Variants in NPSR1 observed in about 807,000 individuals in gnomAD.
The protein encoded by NPSR1 is neuropeptide S receptor 1.
NPSR1 carries 48 observed loss-of-function variants against 46.9 expected under a neutral mutation model. The ratio of observed to expected loss-of-function variants is 1.02; its 90% CI spans 0.81 to 1.30. The LOEUF is 1.30. Ranked by LOEUF, NPSR1 falls within the 50% of genes most tolerant of loss-of-function variation. The probability of loss-of-function intolerance (pLI) is 0.00; values close to 1 mark genes in which losing one functional copy is unlikely to be tolerated. For synonymous variants in NPSR1, 176 were observed against 168.1 expected, an observed-to-expected ratio of 1.05 and a Z score of -0.36; for missense variants, 450 against 449.5, an observed-to-expected ratio of 1.00 and a Z score of -0.01.
chr7:34,713,051 G>A (rs914337178), intron 2 of NPSR1, among the ~76,000 whole-genome samples: 1 of 152,192 alleles, frequency 6.6e-6, no homozygotes, highest in African/African-American at 2.4e-5. Flanking sequence ...TCTGTTAGAG[G>A]TGGATTACAA....
At chr7:34,774,631 A>T (rs1786861638) in intron 2 of NPSR1, among the ~76,000 whole-genome samples, 1 of 152,176 alleles carries the variant, frequency 6.6e-6, no homozygotes, top group South Asian at 2.1e-4. Context: ...TCAGAGCCCT[A>T]GGGGCCTGCA....
At chr7:34,852,934 A>G (rs1422761330), downstream of NPSR1, among the ~76,000 whole-genome samples, 1 of 152,258 alleles carries the variant, frequency 6.6e-6, no homozygotes, top group East Asian at 1.9e-4. Flanking sequence ...ACTAAATTAA[A>G]TATGAATGGT....
rs553559168 is a variant in NPSR1 at position 34,727,454 on chromosome 7, G to A, written c.280+42770G>A. 9.9e-5 allele frequency among the ~76,000 whole-genome samples: 15 copies of A among 152,218 alleles called. No homozygotes were observed. In the South Asian group the frequency reaches 2.1e-3, roughly 21 times the overall value. On this transcript the variant is annotated intron_variant, in intron 2 of 8. Coordinates refer to ENST00000360581, the MANE Select transcript of NPSR1 (RefSeq NM_207172.2). ...CAATGGTTTTTGCATAACATTTAAC[G>A]TAACTCTAGTTTGATATCAAAATCA...
chr7:34,848,478 C>T lies in NPSR1; in HGVS notation c.845-5C>T. 3 of 1,613,778 alleles carry T rather than the reference C, an allele frequency of 1.9e-6. No individual in the cohort carries two copies. In the East Asian group the frequency reaches 6.7e-5, roughly 36 times the overall value. ...TGTGATGCTAATGGCTCTCTTCTCCCCCAGCCTTCATCTGCTGTTGGAGTC... is the reference window on the plus strand; with the variant it reads ...TGTGATGCTAATGGCTCTCTTCTCCTCCAGCCTTCATCTGCTGTTGGAGTC... On this transcript the variant is annotated splice_polypyrimidine_tract_variant and splice_region_variant and intron_variant, in intron 7 of 8. Coordinates refer to ENST00000360581, the MANE Select transcript of NPSR1 (RefSeq NM_207172.2).
chr7:34,688,886 C>A (rs1793073804), intron 2 of NPSR1, among the ~76,000 whole-genome samples: 1 of 152,194 alleles, frequency 6.6e-6, no homozygotes, highest in African/African-American at 2.4e-5. Flanking sequence ...AAGCTCTCTG[C>A]ACTCGATGCC....
exon 9 of NPSR1, chr7:34,878,254 G>T: frequency 1.1e-6 from 1 of 887,384 alleles, no homozygotes; most frequent in Non-Finnish European, 1.8e-6. Flanking sequence ...AGGGCACAAG[G>T]ACACCAGTGG....
At chr7:34,823,036 A>G (rs1267375026) in intron 4 of NPSR1, among the ~76,000 whole-genome samples, 1 of 152,218 alleles carries the variant, frequency 6.6e-6, no homozygotes, top group East Asian at 1.9e-4. Context: ...TGGCAAAGAA[A>G]TAAAAACATT....
At chr7:34,843,561 T>A (rs564118312) in intron 6 of NPSR1, among the ~76,000 whole-genome samples, 1 of 152,244 alleles carries the variant, frequency 6.6e-6, no homozygotes, top group Admixed American at 6.5e-5. Flanking sequence ...ACCAGTTTTA[T>A]GGAGAGTGTG....
intron 2 of NPSR1, among the ~76,000 whole-genome samples, chr7:34,738,176 C>A (rs1425273816): frequency 4.6e-5 from 7 of 152,198 alleles, no homozygotes; most frequent in Admixed American, 4.6e-4. Context: ...TTCATAAAAT[C>A]TTGCCTTTTG....
chr7:34,825,196 C>T (rs1789765123), intron 4 of NPSR1, among the ~76,000 whole-genome samples: 1 of 152,186 alleles, frequency 6.6e-6, no homozygotes, highest in African/African-American at 2.4e-5. Flanking sequence ...CATACGCATG[C>T]CCTCTCTGTT....
At chr7:34,714,278 A>G (rs554647134) in intron 2 of NPSR1, among the ~76,000 whole-genome samples, 1 of 152,346 alleles carries the variant, frequency 6.6e-6, no homozygotes, top group Admixed American at 6.5e-5. Context: ...ATTCTGCCGC[A>G]TTCCATTGGT....
intron 2 of NPSR1, among the ~76,000 whole-genome samples, chr7:34,694,411 A>AAAAAT (rs145959840): frequency 4.5e-4 from 69 of 152,240 alleles, no homozygotes; most frequent in African/African-American, 1.6e-3. Flanking sequence ...AATAGCCACA[A>AAAAAT]AAAATAAAAT....
chr7:34,861,318 T>G (rs1272961797), intron 8 of NPSR1, among the ~76,000 whole-genome samples: 3 of 151,916 alleles, frequency 2.0e-5, no homozygotes, highest in Non-Finnish European at 4.4e-5. Flanking sequence ...GCAGTTCCCC[T>G]TCTGAGAATA....
intron 2 of NPSR1, among the ~76,000 whole-genome samples, chr7:34,767,048 T>C (rs766562175): frequency 7.2e-5 from 11 of 152,166 alleles, no homozygotes; most frequent in Non-Finnish European, 1.3e-4. Context: ...TCTCGACAGT[T>C]GTAGAACTGT....
rs10245014 is a variant in NPSR1, at chr7:34,680,194, C to T, written c.148-4358C>T. ...GGAAATATAAATAATCTTTGAAAGT[C>T]GGAAAGAAAATTATTTGCCATTGAT... On this transcript the variant is annotated intron_variant, in intron 1 of 8. Transcript: ENST00000360581. 9.3e-3 allele frequency among the ~76,000 whole-genome samples: 1,412 copies of T among 151,926 alleles called. 22 individuals are homozygous for T. The highest frequency in any genetic ancestry group is 0.032 in the African/African-American group (1,347 of 41,476).
At chr7:34,821,178 G>A (rs574409187) in intron 4 of NPSR1, among the ~76,000 whole-genome samples, 3 of 140,932 alleles carry the variant, frequency 2.1e-5, no homozygotes, top group South Asian at 2.3e-4. Context: ...TCTGTCGCCC[G>A]GGCTAGAGCG....
intron 5 of NPSR1, among the ~76,000 whole-genome samples, chr7:34,831,550 G>A (rs557290412): frequency 5.9e-5 from 9 of 152,252 alleles, no homozygotes; most frequent in East Asian, 1.9e-4. Flanking sequence ...TGAGAGCTGC[G>A]TATGAATAAA....
intron 2 of NPSR1, among the ~76,000 whole-genome samples, chr7:34,736,817 T>G (rs1784694301): frequency 6.6e-6 from 1 of 152,176 alleles, no homozygotes; most frequent in Admixed American, 6.6e-5. Flanking sequence ...CTCCTTACTT[T>G]AATAACCTAG....
chr7:34,695,503 A>G (rs892125704), intron 2 of NPSR1, among the ~76,000 whole-genome samples: 1 of 149,984 alleles, frequency 6.7e-6, no homozygotes, highest in Non-Finnish European at 1.5e-5. Flanking sequence ...CAAAAGAAAT[A>G]ATCAACAAAT....
Sources: allele counts gnomAD v4.1 joint callset (sites outside exome capture counted in the v4.1 genomes callset), GRCh38; gene constraint gnomAD v4.1.1; transcripts MANE v1.5; gene names NCBI Gene and HGNC (gene_info 2026-07-23, HGNC 2026-07-21).